Variants in PLD5 observed in about 807,000 individuals in gnomAD.
The protein encoded by PLD5 is phospholipase D family member 5.
A neutral mutation model predicts 61.1 loss-of-function variants in PLD5; 36 were observed. The ratio of observed to expected loss-of-function variants is 0.59; its 90% CI spans 0.45 to 0.78. The LOEUF (loss-of-function observed/expected upper bound fraction) is 0.78. Among genes scored for constraint, PLD5 ranks in the 30% least tolerant of loss-of-function variants. PLD5 has a pLI of 0.00. For missense variants in PLD5, 515 were observed against 644.4 expected (o/e 0.80, Z 2.17); for synonymous variants, 243 against 242.8 (o/e 1.00, Z -0.01).
At chr1:242,273,790 A>G (rs1476559502) in intron 3 of PLD5, among the ~76,000 whole-genome samples, 1 of 152,242 alleles carries the variant, frequency 6.6e-6, no homozygotes, top group Admixed American at 6.5e-5. Flanking sequence ...TGACACAACT[A>G]GAGGAGAAGA....
intron 1 of PLD5, among the ~76,000 whole-genome samples, chr1:242,432,438 A>G (rs189074110): frequency 3.0e-4 from 46 of 152,336 alleles, no homozygotes; most frequent in South Asian, 1.2e-3. Flanking sequence ...ACACTGTAAT[A>G]TGGGAGGGGC....
At chr1:242,164,070 C>A (rs1440074881) in intron 5 of PLD5, among the ~76,000 whole-genome samples, 2 of 151,360 alleles carry the variant, frequency 1.3e-5, no homozygotes, top group Non-Finnish European at 2.9e-5. Flanking sequence ...GGATAAGTGA[C>A]TATCTGTGAA....
At chr1:242,529,702 T>C in the PLD5 span, among the ~76,000 whole-genome samples, 19 of 152,038 alleles carry the variant, frequency 1.2e-4, no homozygotes, top group Non-Finnish European at 2.4e-4. Flanking sequence ...GAGATCCTGG[T>C]AGAGTGGGTT....
Position 242,100,685 on chromosome 1 carries a change from T to A in PLD5, c.1337A>T (p.Asp446Val), listed in dbSNP as rs763358489. 6.2e-7 allele frequency: 1 copy of A among 1,613,820 alleles called. No homozygotes were observed. The highest frequency in any genetic ancestry group is 1.3e-5 in the African/African-American group (1 of 74,904). Reference sequence around the variant, plus strand: ...ACACCTACCAATATAAGCTGCTCCATCTGTCACCATGTACTTGTTGCGATT... The same window carrying A: ...ACACCTACCAATATAAGCTGCTCCAACTGTCACCATGTACTTGTTGCGATT... ...RLNRNKYMVT[D>V]GAAYIGNFDW... is the part of the protein sequence containing the mutation. Residue 446 changes from aspartate (D) to valine (V), a missense_variant, in exon 9 of 10, where the codon GAT becomes GTT. Around this residue, in one of 2 missense-constraint regions of PLD5, gnomAD observed 450 missense variants for 598.1 expected, o/e 0.75. Coordinates refer to ENST00000536534, the MANE Select transcript of PLD5 (RefSeq NM_001372062.1).
intron 1 of PLD5, among the ~76,000 whole-genome samples, chr1:242,403,703 A>G (rs1308846326): frequency 1.3e-5 from 2 of 151,946 alleles, no homozygotes; most frequent in Non-Finnish European, 2.9e-5. Context: ...CTTGACCTCA[A>G]GTGATCCGCC....
intron 1 of PLD5, among the ~76,000 whole-genome samples, chr1:242,454,353 T>C (rs931237819): frequency 6.8e-6 from 1 of 147,390 alleles, no homozygotes; most frequent in African/African-American, 2.5e-5. Context: ...AAAGGCAAAT[T>C]TAATCTCAAG....
intron 5 of PLD5, among the ~76,000 whole-genome samples, chr1:242,183,812 G>A (rs375656854): frequency 1.3e-5 from 2 of 152,198 alleles, no homozygotes; most frequent in South Asian, 2.1e-4. Context: ...GTAGAATGGC[G>A]TGAACCCGGG....
At chr1:242,396,489 C>T (rs1391847195) in intron 1 of PLD5, among the ~76,000 whole-genome samples, 1 of 152,114 alleles carries the variant, frequency 6.6e-6, no homozygotes, top group Non-Finnish European at 1.5e-5. Flanking sequence ...TTCCCTGTCT[C>T]CAGTTCCCAC....
intron 4 of PLD5, among the ~76,000 whole-genome samples, chr1:242,222,928 T>C (rs1670692881): frequency 6.6e-6 from 1 of 152,214 alleles, no homozygotes; most frequent in Non-Finnish European, 1.5e-5. Flanking sequence ...TGCTGTGCTA[T>C]GTAAAATTAG....
chr1:242,147,376 A>G (rs1664613481), intron 5 of PLD5: 1 of 152,184 alleles, frequency 6.6e-6, no homozygotes, highest in South Asian at 2.1e-4. Flanking sequence ...TAAGGATTTT[A>G]TTGTATGGAA....
intron 4 of PLD5, among the ~76,000 whole-genome samples, chr1:242,250,511 A>T (rs1297784195): frequency 6.6e-6 from 1 of 150,488 alleles, no homozygotes; most frequent in East Asian, 1.9e-4. Context: ...GTTCCATATT[A>T]TTTTTTTTAA....
intron 4 of PLD5, among the ~76,000 whole-genome samples, chr1:242,220,693 AT>A (rs1384797399): frequency 7.9e-5 from 11 of 139,838 alleles, no homozygotes; most frequent in Non-Finnish European, 1.4e-4. Context: ...ATCTGATAGT[AT>A]TTTTTTTAAT....
intron 5 of PLD5, among the ~76,000 whole-genome samples, chr1:242,211,034 G>A (rs189753332): frequency 6.6e-6 from 1 of 152,362 alleles, no homozygotes; most frequent in East Asian, 1.9e-4. Flanking sequence ...TAACATAGAA[G>A]TGCCAGGTGA....
intron 1 of PLD5, among the ~76,000 whole-genome samples, chr1:242,394,898 TTATATATGAATATATATG>T (rs1663376083): frequency 9.7e-6 from 1 of 102,614 alleles, no homozygotes; most frequent in South Asian, 3.1e-4. Context: ...ATATATATGA[TTATATATGAATATATATG>T]TATATATGTA....
chr1:242,366,006 A>G (rs528224764), intron 1 of PLD5, among the ~76,000 whole-genome samples: 6 of 152,336 alleles, frequency 3.9e-5, no homozygotes, highest in African/African-American at 1.4e-4. Flanking sequence ...AGTTCTGTCA[A>G]ACATTTGAGA....
intron 9 of PLD5, among the ~76,000 whole-genome samples, chr1:242,094,484 C>T (rs773475407): frequency 2.6e-5 from 4 of 152,112 alleles, no homozygotes; most frequent in African/African-American, 7.2e-5. Flanking sequence ...CTCAACTCTG[C>T]GTTCTCAGCA....
chr1:242,153,348 A>C (rs1267954846), intron 5 of PLD5, among the ~76,000 whole-genome samples: 2 of 152,026 alleles, frequency 1.3e-5, no homozygotes, highest in Non-Finnish European at 2.9e-5. Context: ...GGAGCTCTTT[A>C]GTTTAATTAG....
chr1:242,216,031 T>C (rs928248932), intron 5 of PLD5, among the ~76,000 whole-genome samples: 1 of 152,136 alleles, frequency 6.6e-6, no homozygotes, highest in African/African-American at 2.4e-5. Flanking sequence ...CTGGAAGGGG[T>C]TAACATACCC....
Position 242,084,472 on chromosome 1 carries a change from C to A in PLD5, c.*5382G>T, listed in dbSNP as rs1659367063. Reference sequence around the variant, plus strand: ...CTTGAGAAAGGAACCATATAAAGCACTCCAAATTGTTTGGCTCAAGTAGGT... The same window carrying A: ...CTTGAGAAAGGAACCATATAAAGCAATCCAAATTGTTTGGCTCAAGTAGGT... On this transcript the variant is annotated 3_prime_UTR_variant, in exon 10 of 10. Transcript: ENST00000536534. 6.6e-6 allele frequency: 1 copy of A among 152,120 alleles called. No individual in the cohort carries two copies. Among genetic ancestry groups the A allele is most frequent in the Admixed American group, 6.6e-5 (1 of 15,260 alleles). 9.4% of individuals were successfully genotyped at this position (152,120 alleles called of 1,614,324 possible).
Sources: allele counts gnomAD v4.1 joint callset (sites outside exome capture counted in the v4.1 genomes callset), GRCh38; gene constraint gnomAD v4.1.1; regional missense constraint gnomAD v4.1.1; transcripts MANE v1.5; gene names NCBI Gene and HGNC (gene_info 2026-07-23, HGNC 2026-07-21).